ESR1: variants seen among roughly 807,000 people sequenced by gnomAD.
ESR1 encodes the protein estrogen receptor.
ESR1 carries 12 observed loss-of-function variants against 52.7 expected under a neutral mutation model. That is an observed-to-expected ratio of 0.23 (90% CI 0.15 to 0.37). The LOEUF (loss-of-function observed/expected upper bound fraction) is 0.37. Among genes scored for constraint, ESR1 ranks in the 10% least tolerant of loss-of-function variants. ESR1 has a pLI of 1.00. For missense variants in ESR1, 584 were observed against 779.7 expected (o/e 0.75, Z 2.99); for synonymous variants, 305 against 316.8 (o/e 0.96, Z 0.39).
At position 151,808,194 on chromosome 6, in the gene ESR1, G is replaced by C. The variant is rs2128156672; in HGVS notation, c.282G>C (p.Leu94=). 1.9e-6 allele frequency: 3 copies of C among 1,575,948 alleles called. No individual in the cohort carries two copies. The highest frequency in any genetic ancestry group is 3.4e-4 in the Middle Eastern group (2 of 5,944). ...CTGCGGCGTTCGGCTCCAACGGCCT[G>C]GGGGGTTTCCCCCCACTCAACAGCG... ...SEAAAFGSNG[L]GGFPPLNSVS... Residue 94 remains leucine (L), a synonymous_variant, in exon 1 of 8, where the codon CTG becomes CTC. Coordinates refer to ENST00000206249, the MANE Select transcript of ESR1 (RefSeq NM_000125.4).
intron 6 of ESR1, among the ~76,000 whole-genome samples, chr6:152,117,866 AG>A (rs1457611728): frequency 6.6e-6 from 1 of 152,214 alleles, no homozygotes; most frequent in Admixed American, 6.5e-5. Flanking sequence ...GAAGAATAAA[AG>A]TCCTTCGCTT....
intron 6 of ESR1, among the ~76,000 whole-genome samples, chr6:152,072,868 T>G (rs2048458755): frequency 6.6e-6 from 1 of 152,274 alleles, no homozygotes. Context: ...TCTCCTTGAA[T>G]AGCAAGTATT....
In ESR1 at chr6:151,872,459, G is replaced by A. The variant is rs181021647; in HGVS notation, c.644-8196G>A. Among the ~76,000 whole-genome samples the A allele has an allele frequency of 6.6e-5, 10 of 152,226 alleles. No individual in the cohort carries two copies. The South Asian group carries it at 1.2e-3, about 19-fold the overall frequency. On this transcript the variant is annotated intron_variant, in intron 2 of 7. Transcript: ENST00000206249. ...ATCTTCTCTCTGCCTCATCTACTTT[G>A]CTACTCAAAGATGATTAGTAGATGT...
intron 3 of ESR1, chr6:151,936,367 C>T (rs1004539802): frequency 6.6e-6 from 1 of 152,128 alleles, no homozygotes; most frequent in Non-Finnish European, 1.5e-5. Context: ...ATCTACTAAA[C>T]GTAATCTTTA....
chr6:151,785,683 G>A (rs573057375), intron 2 of ESR1, among the ~76,000 whole-genome samples: 4 of 152,270 alleles, frequency 2.6e-5, no homozygotes, highest in Admixed American at 2.6e-4. Flanking sequence ...TGACACATGA[G>A]GCCATGACTC....
At chr6:151,686,064 A>T (rs1334642081), upstream of ESR1, among the ~76,000 whole-genome samples, 1 of 114,368 alleles carries the variant, frequency 8.7e-6, no homozygotes, top group African/African-American at 4.2e-5. Flanking sequence ...AATTAAAACA[A>T]TTTTTTTTTT....
chr6:151,841,712 C>G (rs1247101705), intron 1 of ESR1, among the ~76,000 whole-genome samples: 1 of 151,810 alleles, frequency 6.6e-6, no homozygotes, highest in Non-Finnish European at 1.5e-5. Context: ...CTGATTGTCT[C>G]TCTTTCTACA....
At chr6:151,661,263 G>T (rs1240322990) in intron 1 of ESR1, among the ~76,000 whole-genome samples, 1 of 152,160 alleles carries the variant, frequency 6.6e-6, no homozygotes, top group Non-Finnish European at 1.5e-5. Flanking sequence ...TTTCCATTTT[G>T]TAGTATTTTG....
intron 5 of ESR1, among the ~76,000 whole-genome samples, chr6:152,022,345 A>G (rs941602274): frequency 1.3e-5 from 2 of 152,104 alleles, no homozygotes; most frequent in Non-Finnish European, 2.9e-5. Context: ...ATGTTGAGCA[A>G]CTCCGAGGAG....
intron 2 of ESR1, among the ~76,000 whole-genome samples, chr6:151,853,086 G>A (rs771907621): frequency 4.9e-5 from 7 of 143,632 alleles, no homozygotes; most frequent in Non-Finnish European, 1.1e-4. Flanking sequence ...GCAGGAGAAT[G>A]GCTTGAACTC....
Position 151,672,661 on chromosome 6 carries a change from C to T in ESR1, n.73+15898C>T, listed in dbSNP as rs764168363. ...CATTTTTTTGTATTTTTAATAGAGACGAGGTTTCACCATGTTGGCCATCCT... is the reference window on the plus strand; with the variant it reads ...CATTTTTTTGTATTTTTAATAGAGATGAGGTTTCACCATGTTGGCCATCCT... On this transcript the variant is annotated intron_variant and non_coding_transcript_variant, in intron 1 of 2. Transcript: ENST00000473497. Among the ~76,000 whole-genome samples the T allele has an allele frequency of 2.3e-4, 34 of 150,994 alleles. 1 individual carries two copies. The highest frequency in any genetic ancestry group is 2.8e-4 in the Non-Finnish European group (19 of 67,786).
intron 6 of ESR1, among the ~76,000 whole-genome samples, chr6:152,124,544 A>G (rs747118680): frequency 1.3e-5 from 2 of 152,194 alleles, no homozygotes; most frequent in Non-Finnish European, 2.9e-5. Context: ...TTCTAACTTT[A>G]AAGTTTACTG....
intron 2 of ESR1, among the ~76,000 whole-genome samples, chr6:151,849,996 A>AATTTTG (rs1487871349): frequency 8.2e-6 from 1 of 122,520 alleles, no homozygotes; most frequent in African/African-American, 3.2e-5. Context: ...ATATATATAT[A>AATTTTG]TATATATATA....
Position 151,896,762 on chromosome 6 carries a change from T to C in ESR1, c.760+15991T>C, listed in dbSNP as rs558491252. 1.7e-4 allele frequency among the ~76,000 whole-genome samples: 26 copies of C among 152,286 alleles called. No homozygotes were observed. The East Asian group carries it at 4.1e-3, about 24-fold the overall frequency. The stretch of plus-strand genomic sequence containing the variant: ...TGTTTTTATTTCTGTAGTTCCTTGA[T>C]TTGTGACCTTAGATTGTCTATTTGT... On this transcript the variant is annotated intron_variant, in intron 3 of 7. Transcript: ENST00000206249.
chr6:151,816,582 G>A (rs1454151112), intron 1 of ESR1, among the ~76,000 whole-genome samples: 3 of 152,166 alleles, frequency 2.0e-5, no homozygotes, highest in Non-Finnish European at 4.4e-5. Context: ...GGTCTGGAAT[G>A]TCCCTATATT....
chr6:151,702,214 T>C (rs1178562239), intron 2 of ESR1, among the ~76,000 whole-genome samples: 1 of 152,244 alleles, frequency 6.6e-6, no homozygotes, highest in Non-Finnish European at 1.5e-5. Context: ...ATACAATCTG[T>C]GCACTACCAC....
intron 1 of ESR1, among the ~76,000 whole-genome samples, chr6:151,666,201 A>T (rs1330761145): frequency 2.6e-5 from 4 of 152,206 alleles, no homozygotes; most frequent in Admixed American, 6.5e-5. Context: ...GAGATATTTT[A>T]AAAAACTCAA....
chr6:151,885,793 T>G (rs1447415652), intron 3 of ESR1, among the ~76,000 whole-genome samples: 1 of 152,154 alleles, frequency 6.6e-6, no homozygotes, highest in Non-Finnish European at 1.5e-5. Context: ...AGGCACAGGT[T>G]GCAGTGAGCC....
chr6:152,128,167 T>C (rs1246095591), exon 7 of ESR1: 1 of 152,196 alleles, frequency 6.6e-6, no homozygotes, highest in Non-Finnish European at 1.5e-5. Flanking sequence ...GGTTAGAAAA[T>C]TTTAAGTCAA....
Sources: allele counts gnomAD v4.1 joint callset (sites outside exome capture counted in the v4.1 genomes callset), GRCh38; gene constraint gnomAD v4.1.1; transcripts MANE v1.5; gene names NCBI Gene and HGNC (gene_info 2026-07-23, HGNC 2026-07-21).